Variants in BIN1 observed in about 807,000 individuals in gnomAD.
BIN1 encodes myc box-dependent-interacting protein 1.
A neutral mutation model predicts 82.0 loss-of-function variants in BIN1; 53 were observed. The observed-to-expected ratio is 0.65, with a 90% confidence interval of 0.52 to 0.81. The LOEUF (loss-of-function observed/expected upper bound fraction) is 0.81. BIN1 is among the 40% of genes least tolerant of loss of function. The pLI, the probability that BIN1 is intolerant of heterozygous loss-of-function variation, is 0.00. For missense variants in BIN1, 642 were observed against 784.4 expected, an observed-to-expected ratio of 0.82 and a Z score of 2.17; for synonymous variants, 302 against 328.0, an observed-to-expected ratio of 0.92 and a Z score of 0.86.
At chr2:127,098,637 G>A (rs993985611) in intron 1 of BIN1, among the ~76,000 whole-genome samples, 1 of 151,962 alleles carries the variant, frequency 6.6e-6, no homozygotes, top group African/African-American at 2.4e-5. Flanking sequence ...AACGGGGGCC[G>A]AAGGTGCAGG....
chr2:127,101,005 G>GGGGA (rs1558889005), intron 1 of BIN1, among the ~76,000 whole-genome samples: 1 of 116,318 alleles, frequency 8.6e-6, no homozygotes, highest in African/African-American at 3.1e-5. Context: ...TGTGCGGGGG[G>GGGGA]TGGGGATAGA....
intron 1 of BIN1, among the ~76,000 whole-genome samples, chr2:127,091,811 C>T (rs774027882): frequency 3.5e-4 from 53 of 152,042 alleles, no homozygotes; most frequent in Non-Finnish European, 7.4e-4. Context: ...GCAGGAGAAT[C>T]GCTTGAGCCC....
chr2:127,101,212 C>G (rs1424010342), intron 1 of BIN1, among the ~76,000 whole-genome samples: 2 of 152,182 alleles, frequency 1.3e-5, no homozygotes, highest in Non-Finnish European at 2.9e-5. Flanking sequence ...CCCAGCGAGG[C>G]TGCACATCTG....
intron 1 of BIN1, among the ~76,000 whole-genome samples, chr2:127,083,744 A>G (rs2105213537): frequency 6.6e-6 from 1 of 152,210 alleles, no homozygotes; most frequent in South Asian, 2.1e-4. Flanking sequence ...CTATTTATCA[A>G]TGTTATCCAT....
intron 1 of BIN1, among the ~76,000 whole-genome samples, chr2:127,092,265 G>A (rs1003746318): frequency 6.6e-6 from 1 of 152,170 alleles, no homozygotes; most frequent in African/African-American, 2.4e-5. Flanking sequence ...AATGTGAAGG[G>A]CTAGAGGGAC....
chr2:127,104,688 C>T (rs1421809394), intron 1 of BIN1, among the ~76,000 whole-genome samples: 2 of 152,112 alleles, frequency 1.3e-5, no homozygotes, highest in East Asian at 1.9e-4. Flanking sequence ...GAGTTAGAGG[C>T]GGCACTGATC....
Position 127,067,702 on chromosome 2 carries a change from C to T in BIN1, c.612+461G>A, listed in dbSNP as rs1467667245. ...CCCTGCCCCTAACCGGCTCTGGGGCCCTGGGAGGAGGCTGTGATGTGCCTC... is the reference window on the plus strand; with the variant it reads ...CCCTGCCCCTAACCGGCTCTGGGGCTCTGGGAGGAGGCTGTGATGTGCCTC... On this transcript the variant is annotated intron_variant, in intron 7 of 18. Coordinates refer to ENST00000316724, the MANE Select transcript of BIN1 (RefSeq NM_139343.3). This position sits in a 1 kb window ranked among gnomAD's most constrained non-coding sequence, Gnocchi z 4.7. 6.6e-6 allele frequency among the ~76,000 whole-genome samples: 1 copy of T among 152,182 alleles called. No homozygotes were observed. The highest frequency in any genetic ancestry group is 1.5e-5 in the Non-Finnish European group (1 of 68,036).
rs1455805834 is a variant in BIN1, at chr2:127,057,281, A to G, written c.1131+192T>C. Among the ~76,000 whole-genome samples, 2 of 152,216 alleles carry G rather than the reference A, an allele frequency of 1.3e-5. No homozygotes were observed. The highest frequency in any genetic ancestry group is 3.9e-4 in the East Asian group (2 of 5,194). ...CTGTGGCCCTGCATCTGGCCTTAGT[A>G]CATGCTCAGAGATGGGTGATGGAGG... On this transcript the variant is annotated intron_variant, in intron 12 of 18. Coordinates refer to ENST00000316724, the MANE Select transcript of BIN1 (RefSeq NM_139343.3). This position sits in a 1 kb window ranked among gnomAD's most constrained non-coding sequence, Gnocchi z 5.0.
chr2:127,072,432 G>T (rs774857073), intron 2 of BIN1, among the ~76,000 whole-genome samples: 17 of 152,186 alleles, frequency 1.1e-4, no homozygotes, highest in Non-Finnish European at 5.9e-5. Context: ...GAGACTCGGA[G>T]AGCCCATGAG....
chr2:127,058,904 TGCCCAG>T, intron 11 of BIN1, 101 bp downstream of exon 11: 1 of 1,487,140 alleles, frequency 6.7e-7, no homozygotes, highest in Non-Finnish European at 9.1e-7. Flanking sequence ...GGTCCATAGC[TGCCCAG>T]GCCAGAAAGG....
intron 13 of BIN1, 23 bp from the exon 14 acceptor site, chr2:127,053,468 G>A (rs1683231073): frequency 6.2e-7 from 1 of 1,613,290 alleles, no homozygotes; most frequent in Non-Finnish European, 8.5e-7. Flanking sequence ...GTGAGGGCGA[G>A]AAGGACAGTT....
intron 1 of BIN1, among the ~76,000 whole-genome samples, chr2:127,105,503 T>TCCTCCTCC (rs1480065007): frequency 4.1e-4 from 57 of 137,760 alleles, no homozygotes; most frequent in South Asian, 1.6e-3. Flanking sequence ...CTCCTCCTCC[T>TCCTCCTCC]TCCCTGGGGT....
intron 5 of BIN1, among the ~76,000 whole-genome samples, chr2:127,069,731 A>AACACACACACACACACACACAC (rs3832046): frequency 4.1e-5 from 6 of 147,692 alleles, no homozygotes; most frequent in African/African-American, 1.5e-4. Flanking sequence ...ACTCCGCAGC[A>AACACACACACACACACACACAC]ACACACACAC....
intron 1 of BIN1, among the ~76,000 whole-genome samples, chr2:127,087,722 C>G (rs1483294903): frequency 1.3e-5 from 2 of 152,142 alleles, no homozygotes; most frequent in African/African-American, 2.4e-5. Context: ...GTGAGGAAAC[C>G]GAGAGTCCCA....
intron 9 of BIN1, among the ~76,000 whole-genome samples, chr2:127,062,850 G>A (rs1435462646): frequency 6.6e-6 from 1 of 152,296 alleles, no homozygotes; most frequent in East Asian, 1.9e-4. Flanking sequence ...AAGTTAAGAA[G>A]GAAAGAGAAA....
chr2:127,057,456 C>T lies in BIN1; in HGVS notation c.1131+17G>A, dbSNP rs758993776. The T allele has an allele frequency of 5.2e-6, 8 of 1,541,380 alleles. No homozygotes were observed. Among genetic ancestry groups the T allele is most frequent in the South Asian group, 2.4e-5 (2 of 82,856 alleles). ...GCAGGAAGAGAGGAGAGCTGGGCCG[C>T]GGCGGCCGCGGCTGACCTGGGAGGG... On this transcript the variant is annotated intron_variant, in intron 12 of 18. Coordinates refer to ENST00000316724, the MANE Select transcript of BIN1 (RefSeq NM_139343.3). This position sits in a 1 kb window ranked among gnomAD's most constrained non-coding sequence, Gnocchi z 5.0.
chr2:127,093,548 C>G lies in BIN1; in HGVS notation c.84+13312G>C, dbSNP rs1383964774. On this transcript the variant is annotated intron_variant, in intron 1 of 18. Coordinates refer to ENST00000316724, the MANE Select transcript of BIN1 (RefSeq NM_139343.3). This position sits in a 1 kb window ranked among gnomAD's most constrained non-coding sequence, Gnocchi z 5.7. The stretch of plus-strand genomic sequence containing the variant: ...GAGCCGACAAGCCTTGCTGGGTTCC[C>G]CCTCGGACTATCACCATTAGGTCAC... 6.6e-6 allele frequency among the ~76,000 whole-genome samples: 1 copy of G among 152,160 alleles called. No homozygotes were observed. Among genetic ancestry groups the G allele is most frequent in the African/African-American group, 2.4e-5 (1 of 41,434 alleles).
intron 14 of BIN1, 110 bp downstream of exon 14, chr2:127,053,312 G>A (rs945155915): frequency 2.3e-5 from 33 of 1,462,796 alleles, no homozygotes; most frequent in Non-Finnish European, 2.9e-5. Flanking sequence ...TGCGTGTGGG[G>A]GGTGTGTGGG....
intron 1 of BIN1, among the ~76,000 whole-genome samples, chr2:127,096,187 G>A (rs1468954858): frequency 6.6e-6 from 1 of 152,100 alleles, no homozygotes; most frequent in Non-Finnish European, 1.5e-5. Context: ...TTCTATCAGG[G>A]TCTAAGTCAA....
Sources: gnomAD v4.1 joint callset for allele counts (sites outside exome capture counted in the v4.1 genomes callset) on GRCh38, gnomAD v4.1.1 for gene constraint, Gnocchi (gnomAD v3.1) non-coding constraint, MANE v1.5 for transcripts, NCBI Gene and HGNC (gene_info 2026-07-23, HGNC 2026-07-21) for gene names.